Variants in LLGL2 observed in about 807,000 individuals in gnomAD.
LLGL2 encodes the protein LLGL scribble cell polarity complex component 2.
In LLGL2, 81 loss-of-function variants were observed where a neutral mutation model predicts 123.2. The ratio of observed to expected loss-of-function variants is 0.66; its 90% CI spans 0.55 to 0.79. The LOEUF (loss-of-function observed/expected upper bound fraction) is 0.79. Among genes scored for constraint, LLGL2 ranks in the 30% least tolerant of loss-of-function variants. The pLI is 0.00. For synonymous variants in LLGL2, 577 were observed against 594.1 expected, an observed-to-expected ratio of 0.97 and a Z score of 0.42; for missense variants, 1,273 against 1,414.6, an observed-to-expected ratio of 0.90 and a Z score of 1.61.
chr17:75,574,164 GC>G (rs1333268511), intron 22 of LLGL2, 48 bp from the exon 23 acceptor site: 2 of 1,518,664 alleles, frequency 1.3e-6, no homozygotes, highest in African/African-American at 1.4e-5. Flanking sequence ...AGAGAGCCAG[GC>G]CGAGGAGGGC....
intron 1 of LLGL2, among the ~76,000 whole-genome samples, chr17:75,540,378 G>C (rs2054161287): frequency 6.6e-6 from 1 of 152,196 alleles, no homozygotes; most frequent in Admixed American, 6.5e-5. Flanking sequence ...GCAGTGGGTT[G>C]ATTGGAGTGA....
In LLGL2 at chr17:75,546,045, G is replaced by A. The variant is rs72859222; in HGVS notation, c.75+2544G>A. 926 of 152,236 alleles carry A rather than the reference G, an allele frequency of 6.1e-3. 5 individuals carry two copies. The highest frequency in any genetic ancestry group is 8.9e-3 in the Non-Finnish European group (609 of 68,052). The allele number at this position is 152,236 out of a possible 1,614,324, so 9.4% of individuals were successfully genotyped here. ...AGAATGTTTCCTGAGGGGTAAAATC[G>A]CTCCTGGTTTGAGACCCATGGAATA... is the stretch of plus-strand genomic sequence containing the variant. On this transcript the variant is annotated intron_variant, in intron 2 of 25. Coordinates refer to ENST00000392550, the MANE Select transcript of LLGL2 (RefSeq NM_001031803.2).
chr17:75,526,584 C>A (rs923801765), intron 1 of LLGL2, among the ~76,000 whole-genome samples: 2 of 152,096 alleles, frequency 1.3e-5, no homozygotes, highest in Non-Finnish European at 2.9e-5. Flanking sequence ...TGTAGAGTGG[C>A]GCTTTGAGGC....
At position 75,549,508 on chromosome 17, in the gene LLGL2, C is replaced by T. The variant is rs1598561350; in HGVS notation, c.75+6007C>T. ...AACAGTGTGTTCCTGACCCAGCAGC[C>T]CCTGCGGAGGGCCAGGTTGTTCTGT... On this transcript the variant is annotated intron_variant, in intron 2 of 25. Transcript: ENST00000392550. This position sits in a 1 kb window ranked among gnomAD's most constrained non-coding sequence, Gnocchi z 4.0. Among the ~76,000 whole-genome samples, 2 of 152,322 alleles carry T rather than the reference C, an allele frequency of 1.3e-5. No homozygotes were observed. Among genetic ancestry groups the T allele is most frequent in the African/African-American group, 4.8e-5 (2 of 41,574 alleles).
At position 75,568,997 on chromosome 17, in the gene LLGL2, C is replaced by A. The variant is rs201300652; in HGVS notation, c.1342C>A (p.Arg448=). ...CCACAGGCACGAGGACGGCACGGTG[C>A]GGTTCTGGGATGCCTCGGGTGTCTG... is the stretch of plus-strand genomic sequence containing the variant. ...LLTGHEDGTV[R]FWDASGVCLR... The change falls in exon 13 of 26, where the codon CGG becomes AGG. Residue 448 remains arginine (R), a synonymous_variant. Transcript: ENST00000392550. The A allele has an allele frequency of 2.5e-6, 4 of 1,612,812 alleles. No individual in the cohort carries two copies. The highest frequency in any genetic ancestry group is 8.5e-7 in the Non-Finnish European group (1 of 1,179,678).
chr17:75,531,806 C>G (rs2053797941), intron 1 of LLGL2, among the ~76,000 whole-genome samples: 1 of 152,198 alleles, frequency 6.6e-6, no homozygotes, highest in Non-Finnish European at 1.5e-5. Context: ...CCCTGCCTCT[C>G]AGAGGAAACT....
At chr17:75,572,254 G>A (rs867360227) in intron 19 of LLGL2, among the ~76,000 whole-genome samples, 190 bp downstream of exon 19, 3 of 152,160 alleles carry the variant, frequency 2.0e-5, no homozygotes, top group Middle Eastern at 3.2e-3. Context: ...GGGGCCAGGC[G>A]CGGTGACTCA....
At position 75,527,529 on chromosome 17, in the gene LLGL2, C is replaced by T. The variant is rs117023929; in HGVS notation, c.-31+1704C>T. Among the ~76,000 whole-genome samples, 209 of 152,116 alleles carry T rather than the reference C, an allele frequency of 1.4e-3. 6 individuals carry two copies. In the East Asian group the frequency reaches 0.037, roughly 27 times the overall value. On this transcript the variant is annotated intron_variant, in intron 1 of 25. Transcript: ENST00000392550. ...TGCTTTTAATTATATTAAAATGACA[C>T]TACATTCATAAATAAGAAATAAAAT...
In LLGL2 at chr17:75,559,476, T is replaced by C; in HGVS notation, c.530+66T>C. On this transcript the variant is annotated intron_variant, in intron 6 of 25. Coordinates refer to ENST00000392550, the MANE Select transcript of LLGL2 (RefSeq NM_001031803.2). The surrounding 1 kb of genome is among the most constrained non-coding windows in gnomAD (Gnocchi z 4.6). Reference sequence around the variant, plus strand: ...AGTTAGGCATGGCTTCTCCCCTTGGTCCCAGGACTCTGTCAGGAGCTGTCA... The same window carrying C: ...AGTTAGGCATGGCTTCTCCCCTTGGCCCCAGGACTCTGTCAGGAGCTGTCA... 6.6e-7 allele frequency: 1 copy of C among 1,518,530 alleles called. No homozygotes were observed. The highest frequency in any genetic ancestry group is 8.8e-7 in the Non-Finnish European group (1 of 1,132,630). The allele number at this position is 1,518,530 out of a possible 1,614,324, so 94.1% of individuals were successfully genotyped here.
Position 75,569,994 on chromosome 17 carries a change from C to A in LLGL2, c.1613C>A (p.Ala538Glu). 1 of 1,605,986 alleles carries A rather than the reference C, an allele frequency of 6.2e-7. No homozygotes were observed. Among genetic ancestry groups the A allele is most frequent in the Non-Finnish European group, 8.5e-7 (1 of 1,175,422 alleles). ...VLVLELNDEA[A>E]EQAVEQVEAD... ...GTACTGGAACTGAATGACGAGGCAG[C>A]GGAGCAGGCTGTGGAGCAGGTGGAG... The change falls in exon 15 of 26, where the codon GCG (alanine) becomes GAG (glutamate). Residue 538 changes from alanine (A) to glutamate (E), a missense_variant. Ala to Glu is a moderately radical substitution (Grantham distance 107). Transcript: ENST00000392550.
intron 1 of LLGL2, chr17:75,532,528 A>G (rs56326161): frequency 0.1 from 15,399 of 152,190 alleles, 808 homozygotes; most frequent in Non-Finnish European, 0.12. Flanking sequence ...GGTTCAAGCA[A>G]TTCTCCTGCC....
At chr17:75,527,201 ACTGT>A (rs1378601588) in intron 1 of LLGL2, among the ~76,000 whole-genome samples, 1 of 151,278 alleles carries the variant, frequency 6.6e-6, no homozygotes, top group African/African-American at 2.4e-5. Context: ...TTTGAGGAAA[ACTGT>A]CTGGGTCTGT....
In LLGL2 at chr17:75,571,006, G is replaced by A. The variant is rs979947702; in HGVS notation, c.2082G>A (p.Ala694=). 3.7e-6 allele frequency: 6 copies of A among 1,612,922 alleles called. No individual in the cohort carries two copies. Among genetic ancestry groups the A allele is most frequent in the Non-Finnish European group, 3.4e-6 (4 of 1,179,958 alleles). ...CAGGCCTCCAGAACATGGAGCTGGCGCCTGTGCAGCGCAAGATCGAGGCTC... is the reference window on the plus strand; with the variant it reads ...CAGGCCTCCAGAACATGGAGCTGGCACCTGTGCAGCGCAAGATCGAGGCTC... The part of the protein sequence containing the change: ...ERPGLQNMEL[A]PVQRKIEARS... Residue 694 remains alanine (A), a synonymous_variant, in exon 17 of 26, where the codon GCG becomes GCA. Coordinates refer to ENST00000392550, the MANE Select transcript of LLGL2 (RefSeq NM_001031803.2).
In LLGL2 at chr17:75,532,055, TAC is replaced by T. The variant is rs10526094; in HGVS notation, c.-31+6251_-31+6252del. Among the ~76,000 whole-genome samples the T allele has an allele frequency of 3.8e-3, 361 of 93,774 alleles. 3 individuals are homozygous for T. Among genetic ancestry groups the T allele is most frequent in the Non-Finnish European group, 6.5e-3 (285 of 43,574 alleles). The allele number at this position is 93,774 out of a possible 152,430, so 61.5% of individuals were successfully genotyped here. A position where few individuals can be genotyped will look rare whatever the true frequency, so the allele number is the denominator to read the frequency against. The stretch of plus-strand genomic sequence containing the variant: ...GTAATAAATTATATATATGTATATA[TAC>T]ACACACACACACACACACACTTTTT... On this transcript the variant is annotated intron_variant, in intron 1 of 25. Coordinates refer to ENST00000392550, the MANE Select transcript of LLGL2 (RefSeq NM_001031803.2).
rs1238087965 is a variant in LLGL2 at position 75,564,460 on chromosome 17, C to T, written c.989C>T (p.Ser330Phe). 1 of 1,613,442 alleles carries T rather than the reference C, an allele frequency of 6.2e-7. No individual in the cohort carries two copies. The highest frequency in any genetic ancestry group is 8.5e-7 in the Non-Finnish European group (1 of 1,180,018). The stretch of plus-strand genomic sequence containing the variant: ...CAGCAGACGGCCTTCGACTTCACCT[C>T]CCGTGTCATCGGCTTCACTGTCCTC... Reference protein sequence around the residue: ...DGQQTAFDFTSRVIGFTVLTE... With the variant: ...DGQQTAFDFTFRVIGFTVLTE... Residue 330 changes from serine (S) to phenylalanine (F), a missense_variant, in exon 10 of 26, where the codon TCC (serine) becomes TTC (phenylalanine). Coordinates refer to ENST00000392550, the MANE Select transcript of LLGL2 (RefSeq NM_001031803.2). This position sits in a 1 kb window ranked among gnomAD's most constrained non-coding sequence, Gnocchi z 4.9.
intron 6 of LLGL2, among the ~76,000 whole-genome samples, chr17:75,561,931 A>T (rs1324309925): frequency 6.6e-6 from 1 of 152,194 alleles, no homozygotes; most frequent in Non-Finnish European, 1.5e-5. Flanking sequence ...TCAAAAAAAA[A>T]AAATTAAATA....
At position 75,564,693 on chromosome 17, in the gene LLGL2, GT is replaced by G; in HGVS notation, c.1036+187del. On this transcript the variant is annotated intron_variant, in intron 10 of 25. Coordinates refer to ENST00000392550, the MANE Select transcript of LLGL2 (RefSeq NM_001031803.2). The surrounding 1 kb of genome is among the most constrained non-coding windows in gnomAD (Gnocchi z 4.9). The stretch of plus-strand genomic sequence containing the variant: ...GCCTGGACAACGTAGGGAGACCCTT[GT>G]CTCTACAAAAAATAAAAAAATTAGC... 1.0e-6 allele frequency: 1 copy of G among 956,858 alleles called. No homozygotes were observed. Among genetic ancestry groups the G allele is most frequent in the Non-Finnish European group, 1.5e-6 (1 of 678,044 alleles). 59.3% of individuals were successfully genotyped at this position (956,858 alleles called of 1,614,324 possible). A position where few individuals can be genotyped will look rare whatever the true frequency, so the allele number is the denominator to read the frequency against.
Position 75,573,022 on chromosome 17 carries a change from G to T in LLGL2, c.2469G>T (p.Thr823=). ...VVSEEQFKVF[T]LPKVSAKLKL... ...CCACCCCACGCCCCCAGGTGTTCAC[G>T]CTGCCCAAGGTGAGTGCCAAGCTGA... The change falls in exon 20 of 26, where the codon ACG becomes ACT. Residue 823 remains threonine (T), a synonymous_variant. Transcript: ENST00000392550. 6.2e-7 allele frequency: 1 copy of T among 1,603,676 alleles called. No homozygotes were observed. The highest frequency in any genetic ancestry group is 8.5e-7 in the Non-Finnish European group (1 of 1,172,658).
Position 75,573,497 on chromosome 17 carries a change from A to C in LLGL2, c.2742A>C (p.Ser914=), listed in dbSNP as rs770652451. The change falls in exon 21 of 26, where the codon TCA becomes TCC. Residue 914 remains serine (S), a synonymous_variant. Coordinates refer to ENST00000392550, the MANE Select transcript of LLGL2 (RefSeq NM_001031803.2). ...ACTCCCCAGGCTTCTACCTGATCTC[A>C]CCCTCGGAGTTTGAGCGCTTCTCTC... is the stretch of plus-strand genomic sequence containing the variant. ...TKYGQGFYLI[S]PSEFERFSLS... is the part of the protein sequence containing the mutation. 3.3e-5 allele frequency: 53 copies of C among 1,610,320 alleles called. No homozygotes were observed. The highest frequency in any genetic ancestry group is 2.3e-4 in the Admixed American group (14 of 59,918).
Sources: gnomAD v4.1 joint callset for allele counts (sites outside exome capture counted in the v4.1 genomes callset) on GRCh38, gnomAD v4.1.1 for gene constraint, Gnocchi (gnomAD v3.1) non-coding constraint, MANE v1.5 for transcripts, NCBI Gene and HGNC (gene_info 2026-07-23, HGNC 2026-07-21) for gene names.